Variants in CLVS1 observed in about 807,000 individuals in gnomAD.
CLVS1 encodes the protein clavesin-1.
CLVS1 carries 10 observed loss-of-function variants against 33.1 expected under a neutral mutation model. The ratio of observed to expected loss-of-function variants is 0.30; its 90% CI spans 0.19 to 0.51. CLVS1 has a LOEUF of 0.51. CLVS1 is among the 20% of genes least tolerant of loss of function. The pLI, the probability that CLVS1 is intolerant of heterozygous loss-of-function variation, is 0.97. For missense variants in CLVS1, 343 were observed against 433.4 expected (o/e 0.79, Z 1.85); for synonymous variants, 163 against 166.1 (o/e 0.98, Z 0.14).
At chr8:61,074,104 A>G (rs1054457297) in intron 1 of CLVS1, among the ~76,000 whole-genome samples, 4 of 151,140 alleles carry the variant, frequency 2.6e-5, no homozygotes, top group Non-Finnish European at 5.9e-5. Flanking sequence ...TTGGGAGGCC[A>G]AGGCGGAAGC....
intron 2 of CLVS1, among the ~76,000 whole-genome samples, chr8:61,347,156 G>A (rs1563508047): frequency 6.6e-6 from 1 of 152,120 alleles, no homozygotes; most frequent in Non-Finnish European, 1.5e-5. Flanking sequence ...AGCCTTGTAG[G>A]TCATCCTAAG....
At chr8:61,343,345 G>A (rs1812093009) in intron 2 of CLVS1, among the ~76,000 whole-genome samples, 1 of 152,156 alleles carries the variant, frequency 6.6e-6, no homozygotes, top group Non-Finnish European at 1.5e-5. Flanking sequence ...TAGTGGTGAG[G>A]TAGATCCACC....
In CLVS1 at chr8:61,344,702, G is replaced by T. The variant is rs576599088; in HGVS notation, c.456-31903G>T. The stretch of plus-strand genomic sequence containing the variant: ...ATAATGGGGTACTTCATAAGTACAT[G>T]AATAAATGAATATCCAACTAGGAAC... On this transcript the variant is annotated intron_variant, in intron 2 of 5. Coordinates refer to ENST00000325897, the MANE Select transcript of CLVS1 (RefSeq NM_173519.3). Among the ~76,000 whole-genome samples the T allele has an allele frequency of 8.5e-4, 130 of 152,238 alleles. 1 individual carries two copies. In the South Asian group the frequency reaches 0.024, roughly 28 times the overall value.
chr8:60,999,985 C>A, the CLVS1 span, among the ~76,000 whole-genome samples: 1 of 152,174 alleles, frequency 6.6e-6, no homozygotes, highest in African/African-American at 2.4e-5. Flanking sequence ...AATAATCAGA[C>A]AGATGGAGTT....
At chr8:61,136,036 A>C (rs1806186400) in intron 2 of CLVS1, among the ~76,000 whole-genome samples, 1 of 152,244 alleles carries the variant, frequency 6.6e-6, no homozygotes, top group African/African-American at 2.4e-5. Flanking sequence ...TTAGAAATCC[A>C]AAGTCTCAGA....
At chr8:60,967,248 T>G in the CLVS1 span, among the ~76,000 whole-genome samples, 1 of 151,834 alleles carries the variant, frequency 6.6e-6, no homozygotes, top group Non-Finnish European at 1.5e-5. Context: ...AGATTGGAAC[T>G]TACATATGAA....
intron 2 of CLVS1, among the ~76,000 whole-genome samples, chr8:61,319,780 A>T (rs1357056469): frequency 6.6e-6 from 1 of 152,162 alleles, no homozygotes. Context: ...CTTAAGCAGG[A>T]TTTCTAATAT....
At chr8:61,318,209 A>G (rs1811075914) in intron 2 of CLVS1, among the ~76,000 whole-genome samples, 3 of 152,144 alleles carry the variant, frequency 2.0e-5, no homozygotes, top group African/African-American at 7.2e-5. Flanking sequence ...CTGTTTCTTC[A>G]TAGTAATCTG....
chr8:61,313,891 C>T (rs545914361), intron 2 of CLVS1, among the ~76,000 whole-genome samples: 1 of 152,080 alleles, frequency 6.6e-6, no homozygotes. Context: ...AGCACATCGT[C>T]GAGGCAGCAG....
chr8:61,420,000 T>C (rs1000443854), intron 3 of CLVS1, among the ~76,000 whole-genome samples: 3 of 152,246 alleles, frequency 2.0e-5, no homozygotes, highest in African/African-American at 7.2e-5. Context: ...CTGTTATTTA[T>C]ACAAGTCTGG....
intron 3 of CLVS1, among the ~76,000 whole-genome samples, chr8:61,427,014 A>G (rs778180158): frequency 9.8e-5 from 15 of 152,348 alleles, no homozygotes; most frequent in South Asian, 2.1e-4. Flanking sequence ...CTAATTATGT[A>G]AACCAGACAA....
chr8:61,453,494 G>C (rs1023336427), intron 3 of CLVS1, among the ~76,000 whole-genome samples: 1 of 152,234 alleles, frequency 6.6e-6, no homozygotes, highest in East Asian at 1.9e-4. Context: ...AGCGGAATCA[G>C]CTAGCCCATT....
At chr8:61,294,885 T>C (rs146574777) in intron 1 of CLVS1, among the ~76,000 whole-genome samples, 29 of 152,346 alleles carry the variant, frequency 1.9e-4, no homozygotes, top group African/African-American at 6.7e-4. Flanking sequence ...ATACAGTGTA[T>C]GTTTGTAGAT....
At chr8:61,178,585 G>C (rs1311577907) in intron 2 of CLVS1, among the ~76,000 whole-genome samples, 1 of 152,104 alleles carries the variant, frequency 6.6e-6, no homozygotes, top group Non-Finnish European at 1.5e-5. Context: ...AAATGTTAAG[G>C]GCAGCCCGAG....
intron 2 of CLVS1, among the ~76,000 whole-genome samples, chr8:61,232,290 C>T (rs1371956757): frequency 6.6e-6 from 1 of 151,980 alleles, no homozygotes; most frequent in Non-Finnish European, 1.5e-5. Context: ...CCCGCCTCAG[C>T]CTCCCAAAGT....
intron 2 of CLVS1, among the ~76,000 whole-genome samples, chr8:61,312,834 G>A (rs1382161509): frequency 6.6e-6 from 1 of 151,960 alleles, no homozygotes; most frequent in Non-Finnish European, 1.5e-5. Context: ...TTATGTTTGG[G>A]GCCTGCTGTC....
chr8:61,317,047 A>C (rs748697338), intron 2 of CLVS1, among the ~76,000 whole-genome samples: 9 of 152,194 alleles, frequency 5.9e-5, no homozygotes, highest in Non-Finnish European at 1.2e-4. Flanking sequence ...TATTGTGGTC[A>C]CTTCATTAGG....
chr8:61,202,814 A>C lies in CLVS1; in HGVS notation c.-152+70954A>C, dbSNP rs1343865091. The C allele has an allele frequency of 4.1e-6, 5 of 1,226,230 alleles. No individual in the cohort carries two copies. In the African/African-American group the frequency reaches 7.4e-5, roughly 18 times the overall value. The allele number at this position is 1,226,230 out of a possible 1,614,324, so 76.0% of individuals were successfully genotyped here. A position where few individuals can be genotyped will look rare whatever the true frequency, so the allele number is the denominator to read the frequency against. ...GGTAGTAGCAAGCTTCCACAGAAAA[A>C]AGTAAAACTTGCTGCTGATGAAGAT... On this transcript the variant is annotated intron_variant, in intron 2 of 2. Transcript: ENST00000522621.
chr8:61,497,450 G>GGA (rs1554581115), intron 5 of CLVS1, among the ~76,000 whole-genome samples: 2 of 147,638 alleles, frequency 1.4e-5, no homozygotes, highest in African/African-American at 2.5e-5. Flanking sequence ...ATTGGGGGGG[G>GGA]GGTGTCAGTC....
Sources: allele counts gnomAD v4.1 joint callset (sites outside exome capture counted in the v4.1 genomes callset), GRCh38; gene constraint gnomAD v4.1.1; transcripts MANE v1.5; gene names NCBI Gene and HGNC (gene_info 2026-07-23, HGNC 2026-07-21).